PDE3A: variants seen among roughly 807,000 people sequenced by gnomAD.
PDE3A encodes the protein phosphodiesterase 3A, also known as cGMP-inhibited 3',5'-cyclic phosphodiesterase 3A.
In PDE3A, 43 loss-of-function variants were observed where a neutral mutation model predicts 98.3. The ratio of observed to expected loss-of-function variants is 0.44; its 90% CI spans 0.34 to 0.56. PDE3A has a LOEUF of 0.56. Among genes scored for constraint, PDE3A ranks in the 20% least tolerant of loss-of-function variants. The probability of loss-of-function intolerance (pLI) is 0.01; values close to 1 mark genes in which losing one functional copy is unlikely to be tolerated. For synonymous variants in PDE3A, 663 were observed against 567.9 expected (o/e 1.17, Z -2.38); for missense variants, 1,427 against 1,440.7 (o/e 0.99, Z 0.15).
At chr12:20,393,206 G>A (rs1306085679) in intron 1 of PDE3A, among the ~76,000 whole-genome samples, 1 of 151,966 alleles carries the variant, frequency 6.6e-6, no homozygotes, top group African/African-American at 2.4e-5. Flanking sequence ...AAAGAAAGAG[G>A]TTTAATTGGA....
chr12:20,428,474 G>T (rs538270615), intron 1 of PDE3A, among the ~76,000 whole-genome samples: 1 of 151,972 alleles, frequency 6.6e-6, no homozygotes, highest in Non-Finnish European at 1.5e-5. Flanking sequence ...GTAGAGACGG[G>T]GTTTCACCGT....
At chr12:20,481,763 G>GTTTTTTTT (rs1565563069) in intron 1 of PDE3A, among the ~76,000 whole-genome samples, 2 of 33,546 alleles carry the variant, frequency 6.0e-5, no homozygotes, top group African/African-American at 1.3e-4. Context: ...TTGGGAAATA[G>GTTTTTTTT]ATTTTTTTTT....
At chr12:20,537,963 A>G (rs1375342910) in intron 1 of PDE3A, among the ~76,000 whole-genome samples, 1 of 152,154 alleles carries the variant, frequency 6.6e-6, no homozygotes, top group South Asian at 2.1e-4. Context: ...TGTTTAACTC[A>G]GGAGATTGAA....
In PDE3A at chr12:20,550,836, A is replaced by C. The variant is rs534181956; in HGVS notation, c.961-5824A>C. ...ATAAAGGCCTTGGAAGCCAAATTTT[A>C]ATTGCTCTATGGTATCATTTTGTAT... is the stretch of plus-strand genomic sequence containing the variant. On this transcript the variant is annotated intron_variant, in intron 1 of 15. Coordinates refer to ENST00000359062, the MANE Select transcript of PDE3A (RefSeq NM_000921.5). 8.5e-5 allele frequency among the ~76,000 whole-genome samples: 13 copies of C among 152,078 alleles called. No homozygotes were observed. In the East Asian group the frequency reaches 2.3e-3, roughly 27 times the overall value.
At chr12:20,587,219 T>C (rs1943219218) in intron 2 of PDE3A, among the ~76,000 whole-genome samples, 1 of 151,944 alleles carries the variant, frequency 6.6e-6, no homozygotes, top group Admixed American at 6.6e-5. Flanking sequence ...AATACAAAAA[T>C]TAGCCAGGCG....
chr12:20,612,424 A>T (rs1360952853), intron 2 of PDE3A, among the ~76,000 whole-genome samples: 4 of 150,884 alleles, frequency 2.7e-5, no homozygotes, highest in African/African-American at 9.7e-5. Context: ...ATATTTTCTT[A>T]TGTAGAAGTT....
At position 20,402,547 on chromosome 12, in the gene PDE3A, C is replaced by G. The variant is rs553579156; in HGVS notation, c.960+32303C>G. On this transcript the variant is annotated intron_variant, in intron 1 of 15. Transcript: ENST00000359062. ...AAGTCCCACACCATCAGTTTTTCAT[C>G]TTACGGTGGGCCCTAGATGTTGGAA... Among the ~76,000 whole-genome samples, 12 of 152,222 alleles carry G rather than the reference C, an allele frequency of 7.9e-5. No homozygotes were observed. In the South Asian group the frequency reaches 2.5e-3, roughly 32 times the overall value.
intron 2 of PDE3A, among the ~76,000 whole-genome samples, chr12:20,577,358 G>C (rs1006960472): frequency 3.9e-5 from 6 of 152,136 alleles, no homozygotes; most frequent in African/African-American, 1.2e-4. Context: ...TGTTTGCCCT[G>C]CTAAGGACCT....
chr12:20,670,443 T>G (rs1386175390), intron 15 of PDE3A, among the ~76,000 whole-genome samples: 1 of 152,008 alleles, frequency 6.6e-6, no homozygotes, highest in South Asian at 2.1e-4. Context: ...ACCACATAAT[T>G]GGAAGTAAAG....
intron 1 of PDE3A, among the ~76,000 whole-genome samples, chr12:20,520,655 T>C (rs1180693680): frequency 2.6e-5 from 4 of 152,344 alleles, no homozygotes. Flanking sequence ...ACAGATCACA[T>C]TGCCAAATGA....
chr12:20,432,863 C>CT (rs372598487), intron 1 of PDE3A, among the ~76,000 whole-genome samples: 40 of 150,970 alleles, frequency 2.6e-4, no homozygotes, highest in African/African-American at 5.3e-4. Flanking sequence ...TTTCAGTATG[C>CT]TTTTTTTTTG....
At chr12:20,535,392 A>G (rs905714527) in intron 1 of PDE3A, among the ~76,000 whole-genome samples, 1 of 152,268 alleles carries the variant, frequency 6.6e-6, no homozygotes, top group African/African-American at 2.4e-5. Context: ...GAGGAATAAA[A>G]TGTAGAGAGT....
chr12:20,526,917 TG>T (rs1946534111), intron 1 of PDE3A, among the ~76,000 whole-genome samples: 3 of 151,304 alleles, frequency 2.0e-5, no homozygotes, highest in African/African-American at 7.3e-5. Context: ...TGTGTGTGTG[TG>T]TGTGTGTGTG....
In PDE3A at chr12:20,637,232, A is replaced by C; in HGVS notation, c.2134A>C (p.Ser712Arg). 1 of 1,605,264 alleles carries C rather than the reference A, an allele frequency of 6.2e-7. No individual in the cohort carries two copies. Among genetic ancestry groups the C allele is most frequent in the Non-Finnish European group, 8.5e-7 (1 of 1,173,886 alleles). ...AGGAAGAAAATGTGGCCGTATTCTT[A>C]GTCAGGTAAGAAATGCATTCATTCA... ...NIGRKCGRILSQVSYRLFEDM... is the reference protein window; with the variant it reads ...NIGRKCGRILRQVSYRLFEDM... The change falls in exon 9 of 16, where the codon AGT (serine) becomes CGT (arginine). Residue 712 changes from serine (S) to arginine (R), a missense_variant. Transcript: ENST00000359062.
At chr12:20,501,969 C>T (rs1449813189) in intron 1 of PDE3A, among the ~76,000 whole-genome samples, 2 of 152,028 alleles carry the variant, frequency 1.3e-5, no homozygotes, top group Admixed American at 6.6e-5. Flanking sequence ...TTAAGCTTTC[C>T]AATTTGTATG....
In PDE3A at chr12:20,639,937, T is replaced by C. The variant is rs1386246748; in HGVS notation, c.2231T>C (p.Ile744Thr). 2 of 1,423,508 alleles carry C rather than the reference T, an allele frequency of 1.4e-6. No homozygotes were observed. The highest frequency in any genetic ancestry group is 2.0e-6 in the Non-Finnish European group (2 of 1,007,272). The allele number at this position is 1,423,508 out of a possible 1,614,324, so 88.2% of individuals were successfully genotyped here. The part of the protein sequence containing the change: ...EFMNYFHALE[I>T]GYRDIPYHNR... Reference sequence around the variant, plus strand: ...ATGAATTATTTTCATGCTTTGGAGATTGGATATAGGGATATTCCTTGTAAG... The same window carrying C: ...ATGAATTATTTTCATGCTTTGGAGACTGGATATAGGGATATTCCTTGTAAG... Residue 744 changes from isoleucine to threonine, a missense_variant, in exon 10 of 16, where the codon ATT (isoleucine) becomes ACT (threonine). By Grantham distance (89) the Ile-to-Thr change is moderately conservative (BLOSUM62 -1). This residue lies in a region of PDE3A where 273 missense variants were observed against 420.3 expected (regional missense o/e 0.65). Transcript: ENST00000359062.
chr12:20,655,712 A>C (rs528991391), intron 15 of PDE3A, among the ~76,000 whole-genome samples: 1 of 152,222 alleles, frequency 6.6e-6, no homozygotes, highest in Admixed American at 6.5e-5. Context: ...AAGATGGGAA[A>C]TCGTCAGTGG....
intron 1 of PDE3A, among the ~76,000 whole-genome samples, chr12:20,479,751 G>A (rs530131622): frequency 1.4e-3 from 206 of 152,244 alleles, no homozygotes; most frequent in African/African-American, 3.2e-3. Context: ...AGCTTCAGTC[G>A]CCATTGCTTT....
At chr12:20,457,236 G>GTTA (rs1041430966) in intron 1 of PDE3A, among the ~76,000 whole-genome samples, 5 of 150,802 alleles carry the variant, frequency 3.3e-5, no homozygotes, top group Non-Finnish European at 7.4e-5. Context: ...TCTATTTATT[G>GTTA]TTATTATTAT....
Sources: allele counts gnomAD v4.1 joint callset (sites outside exome capture counted in the v4.1 genomes callset), GRCh38; gene constraint gnomAD v4.1.1; regional missense constraint gnomAD v4.1.1; transcripts MANE v1.5; gene names NCBI Gene and HGNC (gene_info 2026-07-23, HGNC 2026-07-21).